Variants in CDK8 observed in about 807,000 individuals in gnomAD.
The protein encoded by CDK8 is cyclin dependent kinase 8.
A neutral mutation model predicts 71.5 loss-of-function variants in CDK8; 29 were observed. The observed-to-expected ratio is 0.41, with a 90% CI of 0.30 to 0.55. CDK8 has a LOEUF of 0.55. Ranked by LOEUF, CDK8 falls within the 20% of genes least tolerant of loss-of-function variation. The pLI, the probability that CDK8 is intolerant of heterozygous loss-of-function variation, is 0.37. For synonymous variants in CDK8, 161 were observed against 192.1 expected (o/e 0.84, Z 1.34); for missense variants, 288 against 572.6 (o/e 0.50, Z 5.07).
At chr13:26,377,254 G>A (rs1202389387) in intron 4 of CDK8, among the ~76,000 whole-genome samples, 2 of 152,222 alleles carry the variant, frequency 1.3e-5, no homozygotes, top group East Asian at 1.9e-4. Context: ...GGATCTCAGT[G>A]AGTCCTGAAG....
At chr13:26,281,443 A>G (rs1229544529) in intron 1 of CDK8, among the ~76,000 whole-genome samples, 1 of 152,234 alleles carries the variant, frequency 6.6e-6, no homozygotes, top group Non-Finnish European at 1.5e-5. Context: ...AGTGCATCAC[A>G]TCAAGGGACC....
chr13:26,284,580 A>G (rs981146932), intron 1 of CDK8, among the ~76,000 whole-genome samples: 1 of 152,206 alleles, frequency 6.6e-6, no homozygotes, highest in African/African-American at 2.4e-5. Context: ...AAGAAATAGA[A>G]ACTCTGAACA....
intron 4 of CDK8, among the ~76,000 whole-genome samples, chr13:26,380,470 C>T (rs538728918): frequency 1.3e-5 from 2 of 151,940 alleles, no homozygotes; most frequent in African/African-American, 4.8e-5. Flanking sequence ...TATGAGCCCC[C>T]GTGCCCGGCC....
intron 1 of CDK8, among the ~76,000 whole-genome samples, chr13:26,312,987 A>G (rs1092572): frequency 0.94 from 142,669 of 152,262 alleles, 66,882 homozygotes; most frequent in East Asian, 0.99. Flanking sequence ...GGATATTTCT[A>G]TGTAAATGCT....
chr13:26,348,927 T>C lies in CDK8; in HGVS notation c.205-145T>C, dbSNP rs535090483. On this transcript the variant is annotated intron_variant, in intron 2 of 12. Transcript: ENST00000381527. ...TATCTTCTCATTTGTTACTGAAGTA[T>C]CCGTCTCAGAATTGTGTGGGTGCTT... 8 of 661,348 alleles carry C rather than the reference T, an allele frequency of 1.2e-5. No homozygotes were observed. The Admixed American group carries it at 1.4e-4, about 12-fold the overall frequency. The allele number at this position is 661,348 out of a possible 1,614,324, so 41.0% of individuals were successfully genotyped here.
chr13:26,256,091 G>T (rs560713857), intron 1 of CDK8, among the ~76,000 whole-genome samples: 29 of 152,256 alleles, frequency 1.9e-4, no homozygotes, highest in Admixed American at 1.3e-3. Flanking sequence ...GTGCTTTTAT[G>T]CAACAGTAAA....
At chr13:26,291,718 T>G (rs9578990) in intron 1 of CDK8, among the ~76,000 whole-genome samples, 17,693 of 152,216 alleles carry the variant, frequency 0.12, 3,056 homozygotes, top group African/African-American at 0.38. Context: ...GCTATCATGG[T>G]ACATGAATGA....
At chr13:26,312,953 T>C (rs1287464673) in intron 1 of CDK8, among the ~76,000 whole-genome samples, 2 of 152,208 alleles carry the variant, frequency 1.3e-5, no homozygotes, top group African/African-American at 4.8e-5. Flanking sequence ...TGGTCTCTAG[T>C]CTTCATTTCT....
At chr13:26,321,615 A>G (rs1007123950) in intron 1 of CDK8, among the ~76,000 whole-genome samples, 7 of 152,196 alleles carry the variant, frequency 4.6e-5, no homozygotes, top group African/African-American at 1.7e-4. Flanking sequence ...CTATATAACT[A>G]TGATATTTTT....
intron 2 of CDK8, among the ~76,000 whole-genome samples, chr13:26,339,752 A>ATATATATATATAT (rs1555231147): frequency 9.6e-5 from 4 of 41,842 alleles, no homozygotes; most frequent in South Asian, 1.4e-3. Flanking sequence ...TTACTTAAAA[A>ATATATATATATAT]AAAAATATAT....
At chr13:26,272,249 C>T (rs1045175782) in intron 1 of CDK8, among the ~76,000 whole-genome samples, 4 of 151,784 alleles carry the variant, frequency 2.6e-5, no homozygotes, top group East Asian at 1.9e-4. Flanking sequence ...CCCAACACTT[C>T]GGGAGGCTTG....
At chr13:26,326,685 C>T (rs756870936) in intron 1 of CDK8, among the ~76,000 whole-genome samples, 2 of 152,102 alleles carry the variant, frequency 1.3e-5, no homozygotes, top group Non-Finnish European at 2.9e-5. Flanking sequence ...GGATCTGTTG[C>T]GATGCTATAA....
chr13:26,274,102 A>G (rs1271784642), intron 1 of CDK8, among the ~76,000 whole-genome samples: 1 of 152,162 alleles, frequency 6.6e-6, no homozygotes, highest in African/African-American at 2.4e-5. Context: ...GTAGACACTC[A>G]TGATTTTATC....
At chr13:26,403,329 C>G (rs1221972365) in intron 12 of CDK8, among the ~76,000 whole-genome samples, 1 of 151,922 alleles carries the variant, frequency 6.6e-6, no homozygotes, top group African/African-American at 2.4e-5. Flanking sequence ...GGCAACATAG[C>G]AAGACTCTGT....
chr13:26,278,576 G>A lies in CDK8; in HGVS notation c.128+23807G>A, dbSNP rs191610579. On this transcript the variant is annotated intron_variant, in intron 1 of 12. Transcript: ENST00000381527. The stretch of plus-strand genomic sequence containing the variant: ...AACTTGCAAGAACAGGAAGCTATGC[G>A]GAGCAAGCTTCCTGAACTGTCTTAC... Among the ~76,000 whole-genome samples the A allele has an allele frequency of 3.3e-5, 5 of 152,272 alleles. No individual in the cohort carries two copies. The East Asian group carries it at 5.8e-4, about 18-fold the overall frequency.
At chr13:26,296,575 G>A (rs1182347969) in intron 1 of CDK8, among the ~76,000 whole-genome samples, 1 of 152,200 alleles carries the variant, frequency 6.6e-6, no homozygotes, top group Non-Finnish European at 1.5e-5. Flanking sequence ...CTGAAGGGAG[G>A]CATCAGTTTA....
Position 26,337,565 on chromosome 13 carries a change from A to T in CDK8, c.129-2A>T. ...TATATTAAAATAACTTTGTTTTTAC[A>T]GGAAGGATGATAAAGACTATGCTTT... On this transcript the variant is annotated splice_acceptor_variant, in intron 1 of 12. Transcript: ENST00000381527. LOFTEE classifies it high-confidence loss of function. 2 of 1,378,416 alleles carry T rather than the reference A, an allele frequency of 1.5e-6. No individual in the cohort carries two copies. The highest frequency in any genetic ancestry group is 1.7e-5 in the South Asian group (1 of 57,196). The allele number at this position is 1,378,416 out of a possible 1,614,324, so 85.4% of individuals were successfully genotyped here. A position where few individuals can be genotyped will look rare whatever the true frequency, so the allele number is the denominator to read the frequency against.
intron 1 of CDK8, among the ~76,000 whole-genome samples, chr13:26,336,634 A>G (rs1226095312): frequency 6.7e-6 from 1 of 149,752 alleles, no homozygotes; most frequent in African/African-American, 2.5e-5. Flanking sequence ...GCTCACTGCA[A>G]GCTCCACCTC....
intron 4 of CDK8, among the ~76,000 whole-genome samples, chr13:26,358,758 G>A (rs1874006758): frequency 6.6e-6 from 1 of 152,128 alleles, no homozygotes; most frequent in Admixed American, 6.5e-5. Flanking sequence ...GTCCATCAGT[G>A]GATAAATGGG....
Sources: allele counts gnomAD v4.1 joint callset (sites outside exome capture counted in the v4.1 genomes callset), GRCh38; gene constraint gnomAD v4.1.1; transcripts MANE v1.5; gene names NCBI Gene and HGNC (gene_info 2026-07-23, HGNC 2026-07-21).